The following TSNARE1 variants were observed in gnomAD, a reference collection of about 807,000 sequenced individuals.
The protein encoded by TSNARE1 is t-SNARE domain-containing protein 1.
Under a neutral mutation model 62.0 loss-of-function variants are expected in TSNARE1, and 49 were observed. The observed-to-expected ratio is 0.79, with a 90% CI of 0.63 to 1.00. The LOEUF is 1.00. TSNARE1 is among the 50% of genes least tolerant of loss of function. The pLI is 0.00. For missense variants in TSNARE1, 755 were observed against 700.1 expected (o/e 1.08, Z -0.88); for synonymous variants, 328 against 294.4 (o/e 1.11, Z -1.17).
intron 10 of TSNARE1, among the ~76,000 whole-genome samples, chr8:142,286,658 G>A (rs938938687): frequency 2.6e-5 from 4 of 152,194 alleles, no homozygotes; most frequent in East Asian, 1.9e-4. Context: ...GTGAGGTCAC[G>A]GGTTCTGGAG....
chr8:142,244,621 A>G (rs1046295199), intron 12 of TSNARE1, among the ~76,000 whole-genome samples: 1 of 152,236 alleles, frequency 6.6e-6, no homozygotes, highest in Non-Finnish European at 1.5e-5. Context: ...GTGATTCTAA[A>G]ATACGTATGG....
At chr8:142,262,715 G>C (rs112862872) in intron 12 of TSNARE1, among the ~76,000 whole-genome samples, 4 of 152,080 alleles carry the variant, frequency 2.6e-5, no homozygotes, top group African/African-American at 7.2e-5. Context: ...CATGTAAGAC[G>C]TGCCTACTTC....
intron 1 of TSNARE1, chr8:142,402,709 C>T (rs1287882877): frequency 6.6e-6 from 1 of 152,464 alleles, no homozygotes; most frequent in East Asian, 1.9e-4. Context: ...TTGCACCCAG[C>T]AAGTAGGCGC....
intron 8 of TSNARE1, among the ~76,000 whole-genome samples, chr8:142,314,699 G>A (rs550231909): frequency 1.2e-4 from 18 of 152,344 alleles, no homozygotes; most frequent in Admixed American, 6.5e-4. Flanking sequence ...CTCTGTCCAC[G>A]CGTGGGAGCT....
At chr8:142,374,779 G>A (rs1278169859) in intron 1 of TSNARE1, among the ~76,000 whole-genome samples, 2 of 151,988 alleles carry the variant, frequency 1.3e-5, no homozygotes, top group Non-Finnish European at 2.9e-5. Context: ...GCTCTGAGAA[G>A]GCTCTGGAAA....
intron 9 of TSNARE1, among the ~76,000 whole-genome samples, chr8:142,303,710 C>T (rs958148604): frequency 6.6e-6 from 1 of 152,202 alleles, no homozygotes; most frequent in African/African-American, 2.4e-5. Flanking sequence ...CAGGCAGGTG[C>T]GAGGCTAGGA....
In TSNARE1 at chr8:142,315,087, C is replaced by T; in HGVS notation, c.990G>A (p.Glu330=). 3 of 1,614,060 alleles carry T rather than the reference C, an allele frequency of 1.9e-6. No homozygotes were observed. The highest frequency in any genetic ancestry group is 2.5e-6 in the Non-Finnish European group (3 of 1,179,972). ...AELLRSSCPQ[E]RLQQERPQLD... ...GCTGAGGACGCTCCTGCTGCAGACG[C>T]TCCTGCTGCAGAGAAGGTACAGCTG... is the stretch of plus-strand genomic sequence containing the variant. Residue 330 remains glutamate (E), a synonymous_variant, in exon 8 of 14, where the codon GAG becomes GAA. Transcript: ENST00000524325.
intron 11 of TSNARE1, chr8:142,278,237 C>T: frequency 1.0e-6 from 1 of 985,470 alleles, no homozygotes; most frequent in Non-Finnish European, 1.2e-6. Flanking sequence ...ATGCGTCTCC[C>T]AACCAGTCCG....
intron 6 of TSNARE1, among the ~76,000 whole-genome samples, chr8:142,328,218 T>C (rs1830532244): frequency 6.6e-6 from 1 of 152,228 alleles, no homozygotes; most frequent in African/African-American, 2.4e-5. Context: ...TAATAACTCT[T>C]TGTTAAGCCC....
At chr8:142,222,344 CCACT>C (rs146503358) in intron 13 of TSNARE1, among the ~76,000 whole-genome samples, 3 of 14,670 alleles carry the variant, frequency 2.0e-4, no homozygotes, top group Admixed American at 5.7e-4. Flanking sequence ...GCTCACTCAT[CCACT>C]CACTCACTCA....
chr8:142,223,024 CCACT>C lies in TSNARE1; in HGVS notation c.*11+6445_*11+6448del, dbSNP rs147538765. On this transcript the variant is annotated intron_variant, in intron 13 of 13. Coordinates refer to ENST00000524325, the MANE Select transcript of TSNARE1 (RefSeq NM_145003.5). ...TTCACTCATTTACTCACTCACTCAG[CCACT>C]CACTCATTCACTCACTCACTCATTC... 3.4e-4 allele frequency among the ~76,000 whole-genome samples: 28 copies of C among 81,804 alleles called. 1 individual carries two copies. Among genetic ancestry groups the C allele is most frequent in the African/African-American group, 7.4e-4 (19 of 25,740 alleles). 53.7% of individuals were successfully genotyped at this position (81,804 alleles called of 152,430 possible).
chr8:142,239,897 A>T (rs1250630407), intron 12 of TSNARE1, among the ~76,000 whole-genome samples: 1 of 152,256 alleles, frequency 6.6e-6, no homozygotes, highest in Non-Finnish European at 1.5e-5. Context: ...ACTGTTATGT[A>T]CATTTGAAAT....
intron 1 of TSNARE1, among the ~76,000 whole-genome samples, chr8:142,388,968 A>T (rs1481035600): frequency 6.6e-6 from 1 of 152,236 alleles, no homozygotes; most frequent in African/African-American, 2.4e-5. Flanking sequence ...AAGGGATAAA[A>T]TTTCTGAGGA....
At chr8:142,253,200 G>A (rs914528777) in intron 12 of TSNARE1, among the ~76,000 whole-genome samples, 7 of 152,220 alleles carry the variant, frequency 4.6e-5, no homozygotes, top group Non-Finnish European at 8.8e-5. Flanking sequence ...CTACGGGTAC[G>A]GGAGGAGGGC....
chr8:142,299,642 C>T (rs560280207), intron 10 of TSNARE1, among the ~76,000 whole-genome samples: 3 of 152,124 alleles, frequency 2.0e-5, no homozygotes, highest in African/African-American at 2.4e-5. Context: ...CACGCACTCA[C>T]GCACGCACGC....
rs1450100398 is a variant in TSNARE1 at position 142,287,741 on chromosome 8, C to T, written c.1291-3256G>A. On this transcript the variant is annotated intron_variant, in intron 10 of 13. Coordinates refer to ENST00000524325, the MANE Select transcript of TSNARE1 (RefSeq NM_145003.5). ...CAGCCAGATCTCAGGGACAGTGGGCCGCCCTCCAGGTCGTGAAACCCAGGA... is the reference window on the plus strand; with the variant it reads ...CAGCCAGATCTCAGGGACAGTGGGCTGCCCTCCAGGTCGTGAAACCCAGGA... Among the ~76,000 whole-genome samples, 61 of 142,520 alleles carry T rather than the reference C, an allele frequency of 4.3e-4. 1 individual carries two copies. The highest frequency in any genetic ancestry group is 1.3e-3 in the Admixed American group (19 of 14,164). The allele number at this position is 142,520 out of a possible 152,430, so 93.5% of individuals were successfully genotyped here.
At chr8:142,398,360 G>A (rs1346849518) in intron 1 of TSNARE1, among the ~76,000 whole-genome samples, 1 of 84,030 alleles carries the variant, frequency 1.2e-5, no homozygotes, top group African/African-American at 4.9e-5. Flanking sequence ...CCCAAAACAT[G>A]CCCCCGGCCC....
chr8:142,292,972 A>G (rs562818543), intron 10 of TSNARE1, among the ~76,000 whole-genome samples: 224 of 152,220 alleles, frequency 1.5e-3, no homozygotes, highest in African/African-American at 5.3e-3. Flanking sequence ...GCACATAGAA[A>G]GTGGGGGGGC....
intron 6 of TSNARE1, among the ~76,000 whole-genome samples, chr8:142,325,495 G>C (rs1830074339): frequency 6.6e-6 from 1 of 152,236 alleles, no homozygotes; most frequent in Admixed American, 6.5e-5. Flanking sequence ...CCAGGAGGTG[G>C]AGAGGAGGTG....
Sources: gnomAD v4.1 joint callset for allele counts (sites outside exome capture counted in the v4.1 genomes callset) on GRCh38, gnomAD v4.1.1 for gene constraint, MANE v1.5 for transcripts, NCBI Gene and HGNC (gene_info 2026-07-23, HGNC 2026-07-21) for gene names.